RPAIN: variants seen among roughly 807,000 people sequenced by gnomAD.
The protein encoded by RPAIN is RPA-interacting protein.
Under a neutral mutation model 30.5 loss-of-function variants are expected in RPAIN, and 29 were observed. The observed-to-expected ratio is 0.95, with a 90% CI of 0.71 to 1.30. The LOEUF (loss-of-function observed/expected upper bound fraction) is 1.30, where lower values mean the gene tolerates loss of function less well. Ranked by LOEUF, RPAIN falls within the 50% of genes most tolerant of loss-of-function variation. The pLI is 0.00. For missense variants in RPAIN, 247 were observed against 264.7 expected (o/e 0.93, Z 0.46); for synonymous variants, 101 against 93.5 (o/e 1.08, Z -0.46).
rs186621217 is a variant in RPAIN, at chr17:5,432,761, A to G, written c.*190A>G. ...ACGCAGGTTGAAGGGGGAGGAATAG[A>G]AAAAGACAAACTGCCTTGGAGGAGA... On this transcript the variant is annotated 3_prime_UTR_variant, in exon 7 of 7. Coordinates refer to ENST00000381209, the MANE Select transcript of RPAIN (RefSeq NM_001033002.4). The G allele has an allele frequency of 1.8e-5, 14 of 768,844 alleles. No homozygotes were observed. In the East Asian group the frequency reaches 3.8e-4, roughly 21 times the overall value. The allele number at this position is 768,844 out of a possible 1,614,324, so 47.6% of individuals were successfully genotyped here. A position where few individuals can be genotyped will look rare whatever the true frequency, so the allele number is the denominator to read the frequency against.
rs891660942 is a variant in RPAIN, at chr17:5,427,715, A to G, written c.490-356A>G. 29 of 246,812 alleles carry G rather than the reference A, an allele frequency of 1.2e-4. No homozygotes were observed. The South Asian group carries it at 1.8e-3, about 16-fold the overall frequency. 15.3% of individuals were successfully genotyped at this position (246,812 alleles called of 1,614,324 possible). A position where few individuals can be genotyped will look rare whatever the true frequency, so the allele number is the denominator to read the frequency against. On this transcript the variant is annotated intron_variant, in intron 5 of 6. Transcript: ENST00000381209. ...TTACAGTAGGAAGTTCAAGTAACCC[A>G]AGCAGACCCGGGAGCATATACTGCT...
rs776414161 is a variant in RPAIN at position 5,422,746 on chromosome 17, G to C, written c.253-23G>C. 1.9e-6 allele frequency: 3 copies of C among 1,610,836 alleles called. No individual in the cohort carries two copies. In the African/African-American group the frequency reaches 4.0e-5, roughly 22 times the overall value. On this transcript the variant is annotated intron_variant, in intron 2 of 6. Transcript: ENST00000381209. Reference sequence around the variant, plus strand: ...TTGGTGATTAATACTTCAAACTTCTGATGCCGCTCCTTTCTCTTCCAGCTG... The same window carrying C: ...TTGGTGATTAATACTTCAAACTTCTCATGCCGCTCCTTTCTCTTCCAGCTG...
rs1157603995 is a variant in RPAIN at position 5,420,207 on chromosome 17, G to A, written c.-4G>A. Reference sequence around the variant, plus strand: ...CTTGTGGCTTTGTCTCCCGCGAAGAGGAGATGGCGGAGTCGTTGAGGTCTC... The same window carrying A: ...CTTGTGGCTTTGTCTCCCGCGAAGAAGAGATGGCGGAGTCGTTGAGGTCTC... On this transcript the variant is annotated 5_prime_UTR_variant, in exon 1 of 7. Coordinates refer to ENST00000381209, the MANE Select transcript of RPAIN (RefSeq NM_001033002.4). The A allele has an allele frequency of 2.5e-6, 4 of 1,613,642 alleles. No homozygotes were observed. The highest frequency in any genetic ancestry group is 3.3e-4 in the Middle Eastern group (2 of 6,062).
chr17:5,432,816 C>T lies in RPAIN; in HGVS notation c.*245C>T. 1 of 867,246 alleles carries T rather than the reference C, an allele frequency of 1.2e-6. No individual in the cohort carries two copies. The highest frequency in any genetic ancestry group is 1.7e-6 in the Non-Finnish European group (1 of 600,776). 53.7% of individuals were successfully genotyped at this position (867,246 alleles called of 1,614,324 possible). On this transcript the variant is annotated 3_prime_UTR_variant, in exon 7 of 7. Transcript: ENST00000381209. ...CCAATTTTATGTCTATCATGTTATA[C>T]AAAAATCTAGAAATAATAGATTTGT... is the stretch of plus-strand genomic sequence containing the variant.
In RPAIN at chr17:5,426,300, G is replaced by A. The variant is rs1043306450; in HGVS notation, c.489+1G>A. ...GTGTGGCCTGTCCATCCCATCTCAT[G>A]TGAGTGTTCCACACACAGATTTCAT... On this transcript the variant is annotated splice_donor_variant, in intron 5 of 6. Coordinates refer to ENST00000381209, the MANE Select transcript of RPAIN (RefSeq NM_001033002.4). LOFTEE classifies it high-confidence loss of function. 15 of 1,612,772 alleles carry A rather than the reference G, an allele frequency of 9.3e-6. No individual in the cohort carries two copies. The highest frequency in any genetic ancestry group is 1.2e-5 in the Non-Finnish European group (14 of 1,178,836).
intron 2 of RPAIN, among the ~76,000 whole-genome samples, chr17:5,422,088 C>G (rs1914918312): frequency 6.6e-6 from 1 of 152,226 alleles, no homozygotes; most frequent in African/African-American, 2.4e-5. Context: ...ATTCTAATCT[C>G]AGCCAACGTT....
rs778307338 is a variant in RPAIN, at chr17:5,432,774, G to A, written c.*203G>A. The stretch of plus-strand genomic sequence containing the variant: ...GGGGAGGAATAGAAAAAGACAAACT[G>A]CCTTGGAGGAGATAAACCAATTTTA... On this transcript the variant is annotated 3_prime_UTR_variant, in exon 7 of 7. Transcript: ENST00000381209. The A allele has an allele frequency of 1.5e-4, 113 of 751,330 alleles. No individual in the cohort carries two copies. The highest frequency in any genetic ancestry group is 2.2e-4 in the Non-Finnish European group (107 of 487,774). 46.5% of individuals were successfully genotyped at this position (751,330 alleles called of 1,614,324 possible).
At chr17:5,429,187 G>A (rs982852147) in intron 6 of RPAIN, 2 of 985,262 alleles carry the variant, frequency 2.0e-6, no homozygotes, top group African/African-American at 3.5e-5. Context: ...GAGGGCTTAT[G>A]GGAGTTCAGA....
intron 1 of RPAIN, 63 bp from the exon 2 acceptor site, chr17:5,421,233 A>G: frequency 6.7e-7 from 1 of 1,488,930 alleles, no homozygotes. Flanking sequence ...AACTAATGTA[A>G]GAGTGTTTTT....
At chr17:5,421,632 G>C in intron 2 of RPAIN, 166 bp downstream of exon 2, 1 of 536,926 alleles carries the variant, frequency 1.9e-6, no homozygotes, top group South Asian at 3.1e-5. Context: ...TGTTAGACTT[G>C]TCTAGATGAA....
intron 2 of RPAIN, 51 bp from the exon 3 acceptor site, chr17:5,422,718 T>C (rs1272230592): frequency 5.9e-6 from 9 of 1,534,740 alleles, no homozygotes; most frequent in Non-Finnish European, 8.1e-6. Flanking sequence ...CTGTGGGGCT[T>C]GGTTGGTGAT....
Position 5,428,171 on chromosome 17 carries a change from G to C in RPAIN, c.590G>C (p.Gly197Ala), listed in dbSNP as rs751323621. 4 of 1,614,190 alleles carry C rather than the reference G, an allele frequency of 2.5e-6. No individual in the cohort carries two copies. The highest frequency in any genetic ancestry group is 1.7e-5 in the Admixed American group (1 of 60,020). Reference sequence around the variant, plus strand: ...CACACACCTGAATTTTCAGTCACTGGAGGAACAGAAGAAAAGTCCAGTCTT... The same window carrying C: ...CACACACCTGAATTTTCAGTCACTGCAGGAACAGAAGAAAAGTCCAGTCTT... ...CPHTPEFSVT[G>A]GTEEKSSLLM... Residue 197 changes from glycine (G) to alanine (A), a missense_variant, in exon 6 of 7, where the codon GGA becomes GCA. Coordinates refer to ENST00000381209, the MANE Select transcript of RPAIN (RefSeq NM_001033002.4).
chr17:5,431,265 T>C (rs1315848385), intron 6 of RPAIN: 2 of 357,224 alleles, frequency 5.6e-6, no homozygotes, highest in Non-Finnish European at 1.1e-5. Context: ...GGTGGGAGGA[T>C]CACTTGAGGC....
Position 5,432,587 on chromosome 17 carries a change from A to ACAT in RPAIN, c.*20_*22dup, listed in dbSNP as rs777295848. 1 of 1,612,774 alleles carries ACAT rather than the reference A, an allele frequency of 6.2e-7. No homozygotes were observed. The highest frequency in any genetic ancestry group is 1.3e-5 in the African/African-American group (1 of 74,902). On this transcript the variant is annotated 3_prime_UTR_variant, in exon 7 of 7. Coordinates refer to ENST00000381209, the MANE Select transcript of RPAIN (RefSeq NM_001033002.4). Reference sequence around the variant, plus strand: ...GATCCTCTAGAGCCAGCTTGGACTCACATCATTCTATGGGGTTGAAGACAA... The same window carrying ACAT: ...GATCCTCTAGAGCCAGCTTGGACTCACATCATCATTCTATGGGGTTGAAGACAA...
chr17:5,427,870 C>T (rs896071361), intron 5 of RPAIN: 8 of 604,840 alleles, frequency 1.3e-5, no homozygotes, highest in East Asian at 2.8e-5. Flanking sequence ...GAGTAGAGGG[C>T]GTTGGTTAAT....
chr17:5,420,350 C>A, intron 1 of RPAIN, 59 bp downstream of exon 1: 2 of 1,446,552 alleles, frequency 1.4e-6, no homozygotes, highest in Non-Finnish European at 9.6e-7. Flanking sequence ...CGCCGTCTTC[C>A]CTGCCTTCGC....
intron 2 of RPAIN, chr17:5,421,670 T>TG: frequency 2.4e-6 from 1 of 424,516 alleles, no homozygotes; most frequent in Non-Finnish European, 4.1e-6. Flanking sequence ...ACCGTAGACC[T>TG]GCTCATCACT....
chr17:5,428,138 A>G lies in RPAIN; in HGVS notation c.557A>G (p.His186Arg), dbSNP rs1310647045. Residue 186 changes from histidine (H) to arginine (R), a missense_variant, in exon 6 of 7, where the codon CAT becomes CGT. By Grantham distance (29) the His-to-Arg change is conservative (BLOSUM62 0). Transcript: ENST00000381209. ...LEGSINEHSA[H>R]CPHTPEFSVT... The stretch of plus-strand genomic sequence containing the variant: ...GGTAGTATAAATGAGCACAGTGCAC[A>G]TTGTCCCCACACACCTGAATTTTCA... 26 of 1,614,180 alleles carry G rather than the reference A, an allele frequency of 1.6e-5. No homozygotes were observed. The highest frequency in any genetic ancestry group is 6.6e-5 in the South Asian group (6 of 91,082).
chr17:5,428,162 C>T lies in RPAIN; in HGVS notation c.581C>T (p.Ser194Leu), dbSNP rs750209182. ...SAHCPHTPEF[S>L]VTGGTEEKSS... ...CATTGTCCCCACACACCTGAATTTT[C>T]AGTCACTGGAGGAACAGAAGAAAAG... The change falls in exon 6 of 7, where the codon TCA becomes TTA. Residue 194 changes from serine to leucine, a missense_variant. By Grantham distance (145) the Ser-to-Leu change is moderately radical. Coordinates refer to ENST00000381209, the MANE Select transcript of RPAIN (RefSeq NM_001033002.4). The T allele has an allele frequency of 6.2e-7, 1 of 1,614,168 alleles. No individual in the cohort carries two copies. Among genetic ancestry groups the T allele is most frequent in the South Asian group, 1.1e-5 (1 of 91,082 alleles).
Sources: allele counts gnomAD v4.1 joint callset (sites outside exome capture counted in the v4.1 genomes callset), GRCh38; gene constraint gnomAD v4.1.1; transcripts MANE v1.5; gene names NCBI Gene and HGNC (gene_info 2026-07-23, HGNC 2026-07-21).